The following STK32B variants were observed in gnomAD, a reference collection of about 807,000 sequenced individuals.
STK32B encodes serine/threonine kinase 32B, also known as serine/threonine-protein kinase 32B.
STK32B carries 43 observed loss-of-function variants against 52.6 expected under a neutral mutation model. The observed-to-expected ratio is 0.82, with a 90% confidence interval of 0.64 to 1.05. The LOEUF is 1.05. Among genes scored for constraint, STK32B ranks in the 50% least tolerant of loss-of-function variants. The pLI is 0.00. For missense variants in STK32B, 621 were observed against 534.6 expected, an observed-to-expected ratio of 1.16 and a Z score of -1.59; for synonymous variants, 238 against 204.3, an observed-to-expected ratio of 1.17 and a Z score of -1.41.
intron 11 of STK32B, among the ~76,000 whole-genome samples, chr4:5,478,511 T>C (rs1254280416): frequency 6.6e-6 from 1 of 152,174 alleles, no homozygotes; most frequent in East Asian, 1.9e-4. Flanking sequence ...GAGATCAGAA[T>C]TGCCTACAAG....
At chr4:5,485,719 T>C (rs955281735) in intron 11 of STK32B, among the ~76,000 whole-genome samples, 15 of 152,230 alleles carry the variant, frequency 9.9e-5, no homozygotes, top group African/African-American at 1.7e-4. Context: ...TTTGTGGTTT[T>C]ATCTACCTTT....
the STK32B span, among the ~76,000 whole-genome samples, chr4:5,039,590 T>TTTATCA: frequency 6.6e-6 from 1 of 152,162 alleles, no homozygotes; most frequent in Admixed American, 6.5e-5. Context: ...AGGCACACAT[T>TTTATCA]TTAAAATAAT....
At chr4:5,125,056 A>G (rs1468797377) in intron 1 of STK32B, among the ~76,000 whole-genome samples, 1 of 152,204 alleles carries the variant, frequency 6.6e-6, no homozygotes, top group Non-Finnish European at 1.5e-5. Flanking sequence ...ACAAGCCTCT[A>G]GGTGCTGAGA....
chr4:5,143,101 C>CTCTGTCTGTTTG (rs1553835241), intron 2 of STK32B, among the ~76,000 whole-genome samples: 5 of 135,692 alleles, frequency 3.7e-5, no homozygotes, highest in East Asian at 5.9e-4. Context: ...CTGTCTCTGT[C>CTCTGTCTGTTTG]TCTGTCTGTC....
intron 3 of STK32B, among the ~76,000 whole-genome samples, chr4:5,312,751 G>A (rs886256718): frequency 4.0e-5 from 6 of 151,846 alleles, no homozygotes; most frequent in African/African-American, 1.5e-4. Flanking sequence ...AAACATACGT[G>A]TGCATGTGTC....
intron 3 of STK32B, among the ~76,000 whole-genome samples, chr4:5,268,309 A>G (rs749867305): frequency 7.9e-5 from 12 of 152,090 alleles, no homozygotes; most frequent in African/African-American, 2.4e-4. Flanking sequence ...ATATACTGCA[A>G]ATGTGCTAAG....
chr4:5,070,168 A>T (rs1252014772), intron 1 of STK32B, among the ~76,000 whole-genome samples: 1 of 151,958 alleles, frequency 6.6e-6, no homozygotes, highest in Non-Finnish European at 1.5e-5. Flanking sequence ...ATTCTGATGG[A>T]CTCTGCCCTC....
At chr4:5,456,750 G>C in intron 7 of STK32B, 57 bp from the exon 8 acceptor site, 1 of 1,408,740 alleles carries the variant, frequency 7.1e-7, no homozygotes, top group Non-Finnish European at 9.7e-7. Flanking sequence ...CTTAAAATGC[G>C]GACGGTGCCT....
At chr4:5,240,704 G>A (rs566509713) in intron 3 of STK32B, among the ~76,000 whole-genome samples, 2 of 152,146 alleles carry the variant, frequency 1.3e-5, no homozygotes, top group East Asian at 3.9e-4. Flanking sequence ...GGGTGATCCA[G>A]CCACCTCAGC....
intron 11 of STK32B, among the ~76,000 whole-genome samples, chr4:5,480,472 T>C (rs1232634312): frequency 6.6e-6 from 1 of 152,184 alleles, no homozygotes; most frequent in Admixed American, 6.5e-5. Flanking sequence ...TTTCAGGCTA[T>C]AGGTAAATTT....
In STK32B at chr4:5,500,479, G is replaced by A. The variant is rs538300381; in HGVS notation, c.*1396G>A. On this transcript the variant is annotated 3_prime_UTR_variant, in exon 12 of 12. Coordinates refer to ENST00000282908, the MANE Select transcript of STK32B (RefSeq NM_018401.3). ...AAACCTGTTTAGGATTCTTCCAAAT[G>A]TTCTTCCTGGGGTCTTTGATATTTG... 1 of 152,098 alleles carries A rather than the reference G, an allele frequency of 6.6e-6. No individual in the cohort carries two copies. The highest frequency in any genetic ancestry group is 1.9e-4 in the East Asian group (1 of 5,190). The allele number at this position is 152,098 out of a possible 1,614,324, so 9.4% of individuals were successfully genotyped here. A position where few individuals can be genotyped will look rare whatever the true frequency, so the allele number is the denominator to read the frequency against.
In STK32B at chr4:5,499,088, A is replaced by C. The variant is rs188927864; in HGVS notation, c.*5A>C. On this transcript the variant is annotated 3_prime_UTR_variant, in exon 12 of 12. Coordinates refer to ENST00000282908, the MANE Select transcript of STK32B (RefSeq NM_018401.3). ...ACCCGTGGCTGCAGCAGCTGAGCCC[A>C]CACTTGTTGCTGCTCAACAGGACTG... 3 of 1,607,114 alleles carry C rather than the reference A, an allele frequency of 1.9e-6. No homozygotes were observed. Among genetic ancestry groups the C allele is most frequent in the East Asian group, 4.5e-5 (2 of 44,488 alleles).
intron 4 of STK32B, among the ~76,000 whole-genome samples, chr4:5,336,033 A>T (rs372925528): frequency 6.6e-6 from 1 of 150,812 alleles, no homozygotes; most frequent in Non-Finnish European, 1.5e-5. Context: ...ACTAAAGGTT[A>T]TTCTGCTAAT....
intron 6 of STK32B, among the ~76,000 whole-genome samples, chr4:5,434,973 A>G (rs1713927301): frequency 6.6e-6 from 1 of 151,996 alleles, no homozygotes; most frequent in Non-Finnish European, 1.5e-5. Flanking sequence ...GGGCTCCTTC[A>G]CTCATCTCCA....
At chr4:5,466,867 A>G (rs767819373) in intron 10 of STK32B, 33 bp downstream of exon 10, 2 of 1,605,562 alleles carry the variant, frequency 1.2e-6, no homozygotes, top group South Asian at 1.1e-5. Context: ...TCCGGGAGAG[A>G]AATCCTGTGC....
intron 4 of STK32B, among the ~76,000 whole-genome samples, chr4:5,340,873 G>A (rs1328181605): frequency 6.6e-6 from 1 of 152,012 alleles, no homozygotes; most frequent in Admixed American, 6.6e-5. Flanking sequence ...TCACATACAT[G>A]CACATATACA....
chr4:5,328,950 A>G (rs1217609008), intron 3 of STK32B, among the ~76,000 whole-genome samples: 3 of 152,290 alleles, frequency 2.0e-5, no homozygotes, highest in South Asian at 2.1e-4. Flanking sequence ...GCTCATGCCT[A>G]TAATCCCAAC....
the STK32B span, among the ~76,000 whole-genome samples, chr4:5,036,414 G>T: frequency 1.7e-3 from 263 of 152,260 alleles, 2 homozygotes; most frequent in African/African-American, 6.0e-3. Flanking sequence ...TGCAAATTGG[G>T]TCCAGGTGTC....
At chr4:5,377,762 C>T (rs1205992417) in intron 4 of STK32B, among the ~76,000 whole-genome samples, 6 of 152,144 alleles carry the variant, frequency 3.9e-5, no homozygotes, top group African/African-American at 1.4e-4. Context: ...CTCACTCTCT[C>T]TTGCCAGCCA....
Sources: allele counts gnomAD v4.1 joint callset (sites outside exome capture counted in the v4.1 genomes callset), GRCh38; gene constraint gnomAD v4.1.1; transcripts MANE v1.5; gene names NCBI Gene and HGNC (gene_info 2026-07-23, HGNC 2026-07-21).